CPVL: variants seen among roughly 807,000 people sequenced by gnomAD.
The protein encoded by CPVL is probable serine carboxypeptidase CPVL.
Under a neutral mutation model 63.7 loss-of-function variants are expected in CPVL, and 51 were observed. The observed-to-expected ratio is 0.80, with a 90% CI of 0.64 to 1.01. The LOEUF (loss-of-function observed/expected upper bound fraction) is 1.01. Among genes scored for constraint, CPVL ranks in the 50% least tolerant of loss-of-function variants. The probability of loss-of-function intolerance (pLI) is 0.00; values close to 1 mark genes in which losing one functional copy is unlikely to be tolerated. For synonymous variants in CPVL, 195 were observed against 206.0 expected, an observed-to-expected ratio of 0.95 and a Z score of 0.46; for missense variants, 530 against 573.1, an observed-to-expected ratio of 0.92 and a Z score of 0.77.
At chr7:29,074,506 T>C (rs1414384047) in intron 7 of CPVL, among the ~76,000 whole-genome samples, 1 of 152,092 alleles carries the variant, frequency 6.6e-6, no homozygotes, top group Non-Finnish European at 1.5e-5. Flanking sequence ...TATTCAATGA[T>C]AGTTTATTGG....
At chr7:29,091,258 G>A (rs1387177582) in intron 6 of CPVL, among the ~76,000 whole-genome samples, 1 of 152,200 alleles carries the variant, frequency 6.6e-6, no homozygotes, top group African/African-American at 2.4e-5. Context: ...TGTCTTTGGG[G>A]GAGGGGAAGG....
chr7:29,028,759 A>C (rs987360832), intron 12 of CPVL, among the ~76,000 whole-genome samples: 3 of 152,044 alleles, frequency 2.0e-5, no homozygotes, highest in Non-Finnish European at 4.4e-5. Flanking sequence ...AGGTCAGGAG[A>C]TCGAGACCAT....
chr7:29,146,631 C>A, upstream of CPVL: 2 of 1,550,588 alleles, frequency 1.3e-6, no homozygotes, highest in Non-Finnish European at 1.7e-6. Context: ...GTCCCAACCT[C>A]CTGGTCCCAG....
intron 12 of CPVL, among the ~76,000 whole-genome samples, chr7:29,024,649 C>T (rs2128146503): frequency 6.6e-6 from 1 of 152,316 alleles, no homozygotes; most frequent in Middle Eastern, 3.4e-3. Context: ...TAACAGTTTT[C>T]TCAGCAGAAA....
At chr7:29,057,512 C>A (rs1361105120) in intron 11 of CPVL, among the ~76,000 whole-genome samples, 2 of 152,184 alleles carry the variant, frequency 1.3e-5, no homozygotes, top group Non-Finnish European at 2.9e-5. Flanking sequence ...TGATGTCCAG[C>A]TTCTCAATTA....
At chr7:29,041,721 T>A (rs1789111919) in intron 11 of CPVL, among the ~76,000 whole-genome samples, 1 of 152,214 alleles carries the variant, frequency 6.6e-6, no homozygotes, top group African/African-American at 2.4e-5. Context: ...CCTACATTCT[T>A]CAATAAAGTG....
At chr7:29,019,457 C>G (rs2128141599) in intron 12 of CPVL, among the ~76,000 whole-genome samples, 1 of 152,272 alleles carries the variant, frequency 6.6e-6, no homozygotes, top group East Asian at 1.9e-4. Context: ...TGTGAATACA[C>G]AGGGAAAATT....
intron 11 of CPVL, among the ~76,000 whole-genome samples, chr7:29,047,885 C>CTTCA (rs1330551732): frequency 6.6e-6 from 1 of 152,190 alleles, no homozygotes; most frequent in Non-Finnish European, 1.5e-5. Flanking sequence ...GGGGCCCTAT[C>CTTCA]TTCAGCCTCC....
At chr7:29,088,039 C>A (rs189081776) in intron 6 of CPVL, among the ~76,000 whole-genome samples, 1 of 152,302 alleles carries the variant, frequency 6.6e-6, no homozygotes, top group Admixed American at 6.5e-5. Context: ...CCTTTTCTCT[C>A]TTCCTGCTTG....
At chr7:29,066,354 G>C (rs981543090) in intron 9 of CPVL, among the ~76,000 whole-genome samples, 6 of 152,166 alleles carry the variant, frequency 3.9e-5, no homozygotes, top group Non-Finnish European at 8.8e-5. Context: ...ATTCTGGTGG[G>C]GGACAACAAG....
chr7:29,077,030 G>C (rs1230258540), intron 7 of CPVL, among the ~76,000 whole-genome samples: 1 of 152,156 alleles, frequency 6.6e-6, no homozygotes, highest in Non-Finnish European at 1.5e-5. Flanking sequence ...ACCTGTAATC[G>C]TGTCTTTTGC....
At chr7:29,107,341 C>G (rs1258980914) in intron 3 of CPVL, among the ~76,000 whole-genome samples, 1 of 152,222 alleles carries the variant, frequency 6.6e-6, no homozygotes, top group Non-Finnish European at 1.5e-5. Context: ...GCCACACGTT[C>G]AAGGGCTCCT....
intron 7 of CPVL, among the ~76,000 whole-genome samples, chr7:29,081,915 C>CAGCT: frequency 6.6e-6 from 1 of 152,242 alleles, no homozygotes; most frequent in Middle Eastern, 3.4e-3. Flanking sequence ...AGGTTCTGAA[C>CAGCT]AGCTGCTCCA....
In CPVL at chr7:29,144,959, C is replaced by T. The variant is rs139366443; in HGVS notation, c.-11+1470G>A. Among the ~76,000 whole-genome samples the T allele has an allele frequency of 2.7e-3, 405 of 151,958 alleles. 4 individuals carry two copies. The highest frequency in any genetic ancestry group is 9.2e-3 in the African/African-American group (382 of 41,442). On this transcript the variant is annotated intron_variant, in intron 1 of 12. Transcript: ENST00000265394. ...TGGGGGATCAATTGCCCCTCCCAAACAATCATCTCCTATAAAAGATTAATA... is the reference window on the plus strand; with the variant it reads ...TGGGGGATCAATTGCCCCTCCCAAATAATCATCTCCTATAAAAGATTAATA...
intron 12 of CPVL, among the ~76,000 whole-genome samples, chr7:29,015,443 T>C (rs931635447): frequency 6.6e-6 from 1 of 152,172 alleles, no homozygotes; most frequent in African/African-American, 2.4e-5. Flanking sequence ...ACCTTGGTGC[T>C]GTCCTGGCAA....
chr7:29,012,420 T>G (rs1474688743), intron 12 of CPVL: 1 of 152,222 alleles, frequency 6.6e-6, no homozygotes, highest in Non-Finnish European at 1.5e-5. Flanking sequence ...AAACTAATGC[T>G]TTTAAACAAA....
intron 5 of CPVL, among the ~76,000 whole-genome samples, chr7:29,153,619 A>T (rs1793922251): frequency 1.3e-5 from 2 of 151,912 alleles, no homozygotes; most frequent in African/African-American, 4.8e-5. Context: ...GCCCAGGCTG[A>T]AGTGCAGTGG....
intron 5 of CPVL, among the ~76,000 whole-genome samples, chr7:29,168,632 C>T (rs1796212754): frequency 1.3e-5 from 2 of 152,184 alleles, no homozygotes; most frequent in South Asian, 4.1e-4. Flanking sequence ...GTTCCAATCC[C>T]CCAACCTGTA....
At chr7:29,041,126 ATTTT>A (rs1191228187) in intron 11 of CPVL, among the ~76,000 whole-genome samples, 9,967 of 104,848 alleles carry the variant, frequency 0.095, 1,078 homozygotes, top group African/African-American at 0.31. Context: ...CAATAACTGG[ATTTT>A]TTTTTTTTTT....
Sources: allele counts gnomAD v4.1 joint callset (sites outside exome capture counted in the v4.1 genomes callset), GRCh38; gene constraint gnomAD v4.1.1; transcripts MANE v1.5; gene names NCBI Gene and HGNC (gene_info 2026-07-23, HGNC 2026-07-21).